CYFIP1: variants seen among roughly 807,000 people sequenced by gnomAD.
The protein encoded by CYFIP1 is cytoplasmic FMR1 interacting protein 1.
In CYFIP1, 58 loss-of-function variants were observed where a neutral mutation model predicts 163.5. The observed-to-expected ratio is 0.35, with a 90% CI of 0.29 to 0.44. The LOEUF is 0.44. Ranked by LOEUF, CYFIP1 falls within the 20% of genes least tolerant of loss-of-function variation. The pLI is 1.00. For missense variants in CYFIP1, 1,338 were observed against 1,653.8 expected (o/e 0.81, Z 3.31); for synonymous variants, 663 against 660.7 (o/e 1.00, Z -0.05).
At chr15:22,874,733 T>TAAA (rs2059534274) in intron 27 of CYFIP1, 89 bp from the exon 28 acceptor site, 7 of 848,724 alleles carry the variant, frequency 8.2e-6, no homozygotes, top group Non-Finnish European at 1.2e-5. Context: ...AAACAAAAGA[T>TAAA]TTTTAAGTTA....
chr15:22,930,144 G>T (rs1442523960), intron 11 of CYFIP1, among the ~76,000 whole-genome samples: 1 of 151,606 alleles, frequency 6.6e-6, no homozygotes, highest in Non-Finnish European at 1.5e-5. Context: ...GGATCACCAG[G>T]TCAGGAGATT....
intron 21 of CYFIP1, among the ~76,000 whole-genome samples, chr15:22,908,902 T>C (rs2060682740): frequency 6.6e-6 from 1 of 152,246 alleles, no homozygotes; most frequent in South Asian, 2.1e-4. Flanking sequence ...TGCTACCTTT[T>C]GCCATAGTTG....
intron 26 of CYFIP1, among the ~76,000 whole-genome samples, chr15:22,879,395 TCCACTGTG>T (rs1044872640): frequency 6.6e-6 from 1 of 152,070 alleles, no homozygotes; most frequent in African/African-American, 2.4e-5. Flanking sequence ...ACACGAGGCG[TCCACTGTG>T]CCACGTCCTA....
intron 1 of CYFIP1, among the ~76,000 whole-genome samples, chr15:22,954,255 C>CCAG (rs2062363767): frequency 6.6e-6 from 1 of 152,072 alleles, no homozygotes; most frequent in Non-Finnish European, 1.5e-5. Flanking sequence ...CTGCTGGCCC[C>CCAG]CTGATCTCAG....
chr15:22,918,997 C>T, intron 13 of CYFIP1, 139 bp from the exon 14 acceptor site: 1 of 650,420 alleles, frequency 1.5e-6, no homozygotes, highest in Non-Finnish European at 2.6e-6. Context: ...AGCTGCCCTG[C>T]CCCAAAACGT....
intron 1 of CYFIP1, among the ~76,000 whole-genome samples, chr15:22,977,027 C>T (rs2063304373): frequency 6.6e-6 from 1 of 152,076 alleles, no homozygotes; most frequent in South Asian, 2.1e-4. Flanking sequence ...CGGAGAAACC[C>T]CATCTCTACT....
intron 1 of CYFIP1, among the ~76,000 whole-genome samples, chr15:22,963,516 T>TAACATAACATAACATAACATAACA (rs2062769422): frequency 5.6e-5 from 8 of 143,864 alleles, no homozygotes; most frequent in African/African-American, 2.0e-4. Flanking sequence ...TAACATAACA[T>TAACATAACATAACATAACATAACA]AACATAACAT....
intron 21 of CYFIP1, among the ~76,000 whole-genome samples, chr15:22,907,145 T>C (rs975446327): frequency 6.6e-6 from 1 of 152,218 alleles, no homozygotes; most frequent in African/African-American, 2.4e-5. Context: ...GAGGGAATTT[T>C]GATTTATTCA....
chr15:22,891,605 C>T (rs1413707230), intron 23 of CYFIP1, among the ~76,000 whole-genome samples: 2 of 152,232 alleles, frequency 1.3e-5, no homozygotes, highest in Non-Finnish European at 2.9e-5. Context: ...AAGGCCGCCC[C>T]CGGCCCACAC....
rs769678170 is a variant in CYFIP1, at chr15:22,933,941, C to A, written c.901-48G>T. 21 of 1,349,616 alleles carry A rather than the reference C, an allele frequency of 1.6e-5. No individual in the cohort carries two copies. In the South Asian group the frequency reaches 2.4e-4, roughly 16 times the overall value. The allele number at this position is 1,349,616 out of a possible 1,614,324, so 83.6% of individuals were successfully genotyped here. A position where few individuals can be genotyped will look rare whatever the true frequency, so the allele number is the denominator to read the frequency against. ...TAGAGTCATTATGTATATTTAGTCA[C>A]CAAATACATAAGCACAAGGAAACTG... On this transcript the variant is annotated intron_variant, in intron 9 of 30. Transcript: ENST00000617928.
At chr15:22,942,256 A>T (rs2061912573) in intron 6 of CYFIP1, among the ~76,000 whole-genome samples, 1 of 152,264 alleles carries the variant, frequency 6.6e-6, no homozygotes, top group African/African-American at 2.4e-5. Flanking sequence ...TGTATGATTT[A>T]AAATGCAACA....
chr15:22,871,289 A>G (rs927753802), intron 30 of CYFIP1, among the ~76,000 whole-genome samples: 5 of 152,232 alleles, frequency 3.3e-5, no homozygotes, highest in Non-Finnish European at 7.3e-5. Context: ...AATATAGAAT[A>G]CATGAATTGG....
At chr15:22,960,127 C>G (rs75634679) in intron 1 of CYFIP1, among the ~76,000 whole-genome samples, 17,167 of 152,206 alleles carry the variant, frequency 0.11, 1,108 homozygotes, top group African/African-American at 0.12. Flanking sequence ...GTGCCCAGCC[C>G]GTGGGCAGAG....
At chr15:22,964,309 CACACAA>C (rs2062813885) in intron 1 of CYFIP1, among the ~76,000 whole-genome samples, 1 of 112,166 alleles carries the variant, frequency 8.9e-6, no homozygotes, top group African/African-American at 3.8e-5. Context: ...CACACACACA[CACACAA>C]CTGGCGGCCC....
At chr15:22,954,957 A>C (rs756684304) in intron 1 of CYFIP1, among the ~76,000 whole-genome samples, 10 of 152,118 alleles carry the variant, frequency 6.6e-5, no homozygotes, top group Non-Finnish European at 1.2e-4. Context: ...TTACAGAGTG[A>C]GCAACATCCA....
intron 23 of CYFIP1, 61 bp from the exon 24 acceptor site, chr15:22,883,072 T>G: frequency 6.4e-7 from 1 of 1,574,206 alleles, no homozygotes; most frequent in Non-Finnish European, 8.7e-7. Flanking sequence ...GATGAAGAAC[T>G]GTGTGAGAAG....
chr15:22,949,376 A>G (rs2062172640), intron 1 of CYFIP1, among the ~76,000 whole-genome samples: 1 of 152,194 alleles, frequency 6.6e-6, no homozygotes, highest in Admixed American at 6.5e-5. Flanking sequence ...CGTGTCTTCC[A>G]GGAAGGAAGG....
At chr15:22,976,225 T>G (rs1330487995) in intron 1 of CYFIP1, among the ~76,000 whole-genome samples, 1 of 152,100 alleles carries the variant, frequency 6.6e-6, no homozygotes, top group East Asian at 1.9e-4. Context: ...TGGCGCGATC[T>G]CGGCTCACCA....
At chr15:22,883,349 G>T (rs1291636842) in intron 23 of CYFIP1, among the ~76,000 whole-genome samples, 1 of 152,178 alleles carries the variant, frequency 6.6e-6, no homozygotes, top group Admixed American at 6.5e-5. Flanking sequence ...GATGCCCAAG[G>T]TCGGACCCTG....
Sources: gnomAD v4.1 joint callset for allele counts (sites outside exome capture counted in the v4.1 genomes callset) on GRCh38, gnomAD v4.1.1 for gene constraint, MANE v1.5 for transcripts, NCBI Gene and HGNC (gene_info 2026-07-23, HGNC 2026-07-21) for gene names.